The following F3 variants were observed in gnomAD, a reference collection of about 807,000 sequenced individuals.
The protein encoded by F3 is coagulation factor III, tissue factor.
F3 carries 18 observed loss-of-function variants against 33.5 expected under a neutral mutation model. The ratio of observed to expected loss-of-function variants is 0.54; its 90% CI spans 0.37 to 0.80. F3 has a LOEUF of 0.80. Ranked by LOEUF, F3 falls within the 30% of genes least tolerant of loss-of-function variation. The pLI is 0.00. For missense variants in F3, 353 were observed against 362.1 expected (o/e 0.97, Z 0.20); for synonymous variants, 147 against 140.7 (o/e 1.05, Z -0.32).
At chr1:94,539,731 G>A (rs140607657) in intron 2 of F3, among the ~76,000 whole-genome samples, 1 of 152,280 alleles carries the variant, frequency 6.6e-6, no homozygotes, top group African/African-American at 2.4e-5. Flanking sequence ...GCTCTGCCAG[G>A]CTCAGTGAGT....
At position 94,530,163 on chromosome 1, in the gene F3, G is replaced by C. The variant is rs1328003491; in HGVS notation, c.*297C>G. 4.6e-6 allele frequency: 1 copy of C among 217,000 alleles called. No homozygotes were observed. The highest frequency in any genetic ancestry group is 2.3e-5 in the African/African-American group (1 of 43,506). 13.4% of individuals were successfully genotyped at this position (217,000 alleles called of 1,614,324 possible). A position where few individuals can be genotyped will look rare whatever the true frequency, so the allele number is the denominator to read the frequency against. On this transcript the variant is annotated 3_prime_UTR_variant, in exon 6 of 6. Transcript: ENST00000334047. ...CCATTTGTTTTTGCTTGGACGACCT[G>C]GTTACTCCTTGAGTGCGGAATATAT... is the stretch of plus-strand genomic sequence containing the variant.
intron 5 of F3, among the ~76,000 whole-genome samples, chr1:94,531,731 C>T (rs113356473): frequency 0.012 from 1,834 of 152,338 alleles, 18 homozygotes; most frequent in Non-Finnish European, 0.02. Flanking sequence ...ACAGCACTTC[C>T]GGTTAGGGAC....
intron 1 of F3, 64 bp from the exon 2 acceptor site, chr1:94,540,432 A>G: frequency 9.7e-7 from 1 of 1,034,926 alleles, no homozygotes; most frequent in South Asian, 1.4e-5. Flanking sequence ...GTATTGATGT[A>G]TAAAACACCT....
intron 4 of F3, 161 bp downstream of exon 4, chr1:94,532,929 C>G (rs1252683333): frequency 1.4e-6 from 1 of 697,440 alleles, no homozygotes. Flanking sequence ...TAGGACCAGG[C>G]CTGTTGTCCA....
At chr1:94,530,627 G>A (rs754025019) in intron 5 of F3, 31 bp from the exon 6 acceptor site, 2 of 1,613,236 alleles carry the variant, frequency 1.2e-6, no homozygotes, top group South Asian at 1.1e-5. Flanking sequence ...AGTCAACTTG[G>A]AGAGCTCAAA....
At position 94,530,186 on chromosome 1, in the gene F3, T is replaced by C. The variant is rs1421594155; in HGVS notation, c.*274A>G. 1.0e-5 allele frequency: 3 copies of C among 288,076 alleles called. No homozygotes were observed. The highest frequency in any genetic ancestry group is 6.5e-5 in the African/African-American group (3 of 46,202). The allele number at this position is 288,076 out of a possible 1,614,324, so 17.8% of individuals were successfully genotyped here. A position where few individuals can be genotyped will look rare whatever the true frequency, so the allele number is the denominator to read the frequency against. ...CTGGTTACTCCTTGAGTGCGGAATA[T>C]ATAATCTAAAGCATGTTATGTGCAA... On this transcript the variant is annotated 3_prime_UTR_variant, in exon 6 of 6. Coordinates refer to ENST00000334047, the MANE Select transcript of F3 (RefSeq NM_001993.5).
Position 94,536,129 on chromosome 1 carries a change from T to C in F3, c.248A>G (p.Tyr83Cys). 6.2e-7 allele frequency: 1 copy of C among 1,614,150 alleles called. No individual in the cohort carries two copies. ...KSGDWKSKCF[Y>C]TTDTECDLTD... Reference sequence around the variant, plus strand: ...GAGGTCACACTCTGTGTCTGTTGTGTAAAAGCATTTGCTTTTCCAATCTCC... The same window carrying C: ...GAGGTCACACTCTGTGTCTGTTGTGCAAAAGCATTTGCTTTTCCAATCTCC... The change falls in exon 3 of 6, where the codon TAC (tyrosine) becomes TGC (cysteine). Residue 83 changes from tyrosine (Y) to cysteine (C), a missense_variant. Physicochemically the swap from Tyr to Cys is radical, Grantham distance 194. Coordinates refer to ENST00000334047, the MANE Select transcript of F3 (RefSeq NM_001993.5).
intron 3 of F3, among the ~76,000 whole-genome samples, chr1:94,535,359 G>C (rs1175632538): frequency 6.6e-6 from 1 of 152,256 alleles, no homozygotes; most frequent in South Asian, 2.1e-4. Flanking sequence ...GCTTACAGGG[G>C]CAAAGGCTGA....
In F3 at chr1:94,534,385, G is replaced by A. The variant is rs547435673; in HGVS notation, c.413-1117C>T. Reference sequence around the variant, plus strand: ...CGGATTTTCAACTGCACAGGGAGTCGGTGCCTCTCAGCCATGCATTGCTTG... The same window carrying A: ...CGGATTTTCAACTGCACAGGGAGTCAGTGCCTCTCAGCCATGCATTGCTTG... On this transcript the variant is annotated intron_variant, in intron 3 of 5. Coordinates refer to ENST00000334047, the MANE Select transcript of F3 (RefSeq NM_001993.5). Among the ~76,000 whole-genome samples the A allele has an allele frequency of 5.3e-5, 8 of 152,232 alleles. No homozygotes were observed. The South Asian group carries it at 6.2e-4, about 12-fold the overall frequency.
intron 3 of F3, 34 bp downstream of exon 3, chr1:94,535,931 A>G (rs772285371): frequency 6.3e-7 from 1 of 1,585,468 alleles, no homozygotes; most frequent in Non-Finnish European, 8.7e-7. Flanking sequence ...CGTTTCTAAC[A>G]AGAATGAACG....
At chr1:94,531,219 G>T (rs1007227144) in intron 5 of F3, among the ~76,000 whole-genome samples, 4 of 152,070 alleles carry the variant, frequency 2.6e-5, no homozygotes, top group African/African-American at 9.7e-5. Context: ...ATAAACAGGA[G>T]AGAACAGTTT....
chr1:94,532,552 G>T, intron 4 of F3, 72 bp from the exon 5 acceptor site: 1 of 1,546,708 alleles, frequency 6.5e-7, no homozygotes. Context: ...AGTCACTGTG[G>T]AAGTAAAAAC....
chr1:94,537,697 A>C (rs1201009917), intron 2 of F3, among the ~76,000 whole-genome samples: 3 of 152,226 alleles, frequency 2.0e-5, no homozygotes, highest in Non-Finnish European at 2.9e-5. Flanking sequence ...AACCAGGCCA[A>C]AAGGATTTGG....
intron 1 of F3, 157 bp from the exon 2 acceptor site, chr1:94,540,525 T>C (rs1488908484): frequency 3.7e-6 from 2 of 547,076 alleles, no homozygotes; most frequent in African/African-American, 1.9e-5. Flanking sequence ...AGAAAAAGAA[T>C]CTTCAAATTT....
At position 94,536,076 on chromosome 1, in the gene F3, G is replaced by GCTTCACATC. The variant is rs756646702; in HGVS notation, c.292_300dup (p.Asp98_Lys100dup). The GCTTCACATC allele has an allele frequency of 4.3e-5, 69 of 1,614,022 alleles. No individual in the cohort carries two copies. Among genetic ancestry groups the GCTTCACATC allele is most frequent in the Non-Finnish European group, 5.8e-5 (69 of 1,180,020 alleles). ...GAGAAGACCCGTGCCAAGTACGTCTGCTTCACATCCTTCACAATCTCGTCG... is the reference window on the plus strand; with the variant it reads ...GAGAAGACCCGTGCCAAGTACGTCTGCTTCACATCCTTCACATCCTTCACAATCTCGTCG... On this transcript the variant is annotated inframe_insertion, in exon 3 of 6. Transcript: ENST00000334047.
intron 3 of F3, 40 bp downstream of exon 3, chr1:94,535,925 T>G: frequency 6.4e-7 from 1 of 1,572,742 alleles, no homozygotes; most frequent in Non-Finnish European, 8.7e-7. Context: ...TTCAGACGTT[T>G]CTAACAAGAA....
Position 94,532,340 on chromosome 1 carries a change from C to T in F3, c.732G>A (p.Gln244=), listed in dbSNP as rs1158819772. Residue 244 remains glutamine (Q), a synonymous_variant, in exon 5 of 6, where the codon CAG becomes CAA. Coordinates refer to ENST00000334047, the MANE Select transcript of F3 (RefSeq NM_001993.5). ...STDSPVECMG[Q]EKGEFREIFY... The stretch of plus-strand genomic sequence containing the variant: ...ACTCACCTCTGAATTCCCCTTTCTC[C>T]TGGCCCATACACTCTACCGGGCTGT... 1 of 1,614,008 alleles carries T rather than the reference C, an allele frequency of 6.2e-7. No individual in the cohort carries two copies. The highest frequency in any genetic ancestry group is 2.2e-5 in the East Asian group (1 of 44,892).
Position 94,541,588 on chromosome 1 carries a change from C to T in F3, c.49G>A (p.Ala17Thr), listed in dbSNP as rs766879948. The T allele has an allele frequency of 4.8e-6, 7 of 1,472,376 alleles. No individual in the cohort carries two copies. In the East Asian group the frequency reaches 1.4e-4, roughly 29 times the overall value. 91.2% of individuals were successfully genotyped at this position (1,472,376 alleles called of 1,614,324 possible). The change falls in exon 1 of 6, where the codon GCT (alanine) becomes ACT (threonine). Residue 17 changes from alanine to threonine, a missense_variant. Transcript: ENST00000334047. ...PRVPRPETAV[A>T]RTLLLGWVFA... ...ACCCAGCCGAGCAGGAGCGTCCGAG[C>T]GACGGCGGTCTCGGGGCGCGGGACC...
chr1:94,541,573 GC>G lies in F3; in HGVS notation c.63del (p.Leu22SerfsTer23). ...RPETAVARTL[L>X]LGWVFAQVAG... ...GCCACCTGGGCGAAGACCCAGCCGA[GC>G]AGGAGCGTCCGAGCGACGGCGGTCT... On this transcript the variant is annotated frameshift_variant, in exon 1 of 6. Transcript: ENST00000334047. LOFTEE classifies it high-confidence loss of function. 6.7e-7 allele frequency: 1 copy of G among 1,492,072 alleles called. No individual in the cohort carries two copies. The highest frequency in any genetic ancestry group is 8.9e-7 in the Non-Finnish European group (1 of 1,119,016). The allele number at this position is 1,492,072 out of a possible 1,614,324, so 92.4% of individuals were successfully genotyped here. A position where few individuals can be genotyped will look rare whatever the true frequency, so the allele number is the denominator to read the frequency against.
Sources: allele counts gnomAD v4.1 joint callset (sites outside exome capture counted in the v4.1 genomes callset), GRCh38; gene constraint gnomAD v4.1.1; transcripts MANE v1.5; gene names NCBI Gene and HGNC (gene_info 2026-07-23, HGNC 2026-07-21).